The following AGAP3 variants were observed in gnomAD, a reference collection of about 807,000 sequenced individuals.
AGAP3 encodes ArfGAP with GTPase domain, ankyrin repeat and PH domain 3, also known as arf-GAP with GTPase, ANK repeat and PH domain-containing protein 3.
In AGAP3, 24 loss-of-function variants were observed where a neutral mutation model predicts 96.9. The ratio of observed to expected loss-of-function variants is 0.25; its 90% CI spans 0.18 to 0.35. The LOEUF is 0.35. AGAP3 is among the 10% of genes least tolerant of loss of function. The pLI is 1.00. For synonymous variants in AGAP3, 563 were observed against 536.1 expected (o/e 1.05, Z -0.69); for missense variants, 876 against 1,254.2 (o/e 0.70, Z 4.55).
chr7:151,132,711 C>T (rs1282111062), intron 10 of AGAP3, among the ~76,000 whole-genome samples: 1 of 152,250 alleles, frequency 6.6e-6, no homozygotes. Context: ...AGCCCAGCCA[C>T]AGAAGTGCAG....
At chr7:151,120,708 C>T (rs1249827828) in intron 8 of AGAP3, 1 of 1,229,534 alleles carries the variant, frequency 8.1e-7, no homozygotes, top group Non-Finnish European at 1.0e-6. Flanking sequence ...GCCATCTTTT[C>T]CTGGGCTTCA....
chr7:151,086,518 G>T lies in AGAP3; in HGVS notation c.-224G>T, dbSNP rs968010741. Among the ~76,000 whole-genome samples the T allele has an allele frequency of 2.6e-4, 39 of 147,786 alleles. No homozygotes were observed. The highest frequency in any genetic ancestry group is 5.0e-4 in the Non-Finnish European group (33 of 66,222). On this transcript the variant is annotated 5_prime_UTR_variant, in exon 1 of 18. Transcript: ENST00000397238. Reference sequence around the variant, plus strand: ...TGCTCCGAGGCAGCGGGATCACGGCGCTGGGAAGCGCTCGGCAGCGGCGGC... The same window carrying T: ...TGCTCCGAGGCAGCGGGATCACGGCTCTGGGAAGCGCTCGGCAGCGGCGGC...
intron 1 of AGAP3, among the ~76,000 whole-genome samples, chr7:151,092,287 G>T (rs1798428305): frequency 6.6e-6 from 1 of 152,200 alleles, no homozygotes; most frequent in Non-Finnish European, 1.5e-5. Flanking sequence ...GCCTGGGAGA[G>T]CCAAGGCTGG....
At chr7:151,089,298 G>T (rs546751297) in intron 1 of AGAP3, among the ~76,000 whole-genome samples, 127 of 152,298 alleles carry the variant, frequency 8.3e-4, no homozygotes, top group African/African-American at 2.9e-3. Context: ...GGAGGGAGAG[G>T]CGCAGACTCC....
intron 9 of AGAP3, among the ~76,000 whole-genome samples, chr7:151,127,791 T>G (rs1051939514): frequency 2.6e-5 from 4 of 152,214 alleles, no homozygotes; most frequent in African/African-American, 9.6e-5. Context: ...CATCGTCTCC[T>G]TCTATCTTCC....
At chr7:151,124,643 G>T (rs1480592120) in intron 9 of AGAP3, among the ~76,000 whole-genome samples, 1 of 152,220 alleles carries the variant, frequency 6.6e-6, no homozygotes, top group Admixed American at 6.5e-5. Context: ...CCACAGAGGA[G>T]GCTCACGTGG....
intron 3 of AGAP3, 24 bp downstream of exon 3, chr7:151,117,206 G>A (rs1799632175): frequency 6.2e-7 from 1 of 1,607,424 alleles, no homozygotes; most frequent in African/African-American, 1.3e-5. Context: ...GCCCAGCCTG[G>A]GCCCTGAGGC....
chr7:151,128,714 G>A (rs936283411), intron 10 of AGAP3, 30 bp downstream of exon 10: 1 of 1,558,572 alleles, frequency 6.4e-7, no homozygotes, highest in African/African-American at 1.4e-5. Context: ...CCTCCTGGGG[G>A]AGTATGGGGA....
intron 10 of AGAP3, among the ~76,000 whole-genome samples, 174 bp downstream of exon 10, chr7:151,128,858 AC>A (rs1800288549): frequency 6.6e-6 from 1 of 152,146 alleles, no homozygotes; most frequent in Admixed American, 6.5e-5. Flanking sequence ...CATGCACAAG[AC>A]CCGGCTGGCC....
intron 1 of AGAP3, among the ~76,000 whole-genome samples, chr7:151,095,391 C>T (rs1798561101): frequency 6.6e-6 from 1 of 152,208 alleles, no homozygotes; most frequent in Non-Finnish European, 1.5e-5. Context: ...TGTTCCTTTT[C>T]TGCCAGAACC....
In AGAP3 at chr7:151,100,899, C is replaced by T. The variant is rs116458139; in HGVS notation, c.331+13827C>T. Among the ~76,000 whole-genome samples the T allele has an allele frequency of 6.5e-3, 993 of 152,286 alleles. 7 individuals carry two copies. Among genetic ancestry groups the T allele is most frequent in the African/African-American group, 0.021 (893 of 41,552 alleles). On this transcript the variant is annotated intron_variant, in intron 1 of 17. Coordinates refer to ENST00000397238, the MANE Select transcript of AGAP3 (RefSeq NM_031946.7). The stretch of plus-strand genomic sequence containing the variant: ...GACCTGGCTCTGTCAGGACTCCTTG[C>T]CCCCATCACAGGACCCTGCCTGGCC...
intron 1 of AGAP3, among the ~76,000 whole-genome samples, chr7:151,097,603 G>T (rs1286546612): frequency 6.6e-6 from 1 of 151,974 alleles, no homozygotes; most frequent in Non-Finnish European, 1.5e-5. Flanking sequence ...GCTAGCATCT[G>T]CTGTGCTTCC....
chr7:151,087,844 C>T (rs1428687822), intron 1 of AGAP3, among the ~76,000 whole-genome samples: 1 of 152,252 alleles, frequency 6.6e-6, no homozygotes, highest in Non-Finnish European at 1.5e-5. Context: ...CCGCTGAGGG[C>T]ACAGGAAGTG....
intron 1 of AGAP3, among the ~76,000 whole-genome samples, chr7:151,105,710 T>G (rs900079441): frequency 1.4e-5 from 2 of 146,170 alleles, no homozygotes; most frequent in African/African-American, 5.1e-5. Context: ...GAGGCTCCAG[T>G]AAGCTCTAAT....
intron 1 of AGAP3, among the ~76,000 whole-genome samples, chr7:151,105,241 C>A (rs1170705471): frequency 2.0e-5 from 3 of 152,156 alleles, no homozygotes; most frequent in Non-Finnish European, 4.4e-5. Flanking sequence ...TCTTCTGTTT[C>A]TTTTTACAAA....
At chr7:151,130,826 G>A (rs572454090) in intron 10 of AGAP3, among the ~76,000 whole-genome samples, 11 of 151,956 alleles carry the variant, frequency 7.2e-5, no homozygotes, top group African/African-American at 2.4e-4. Context: ...CACCACCCCC[G>A]CCACACTTTC....
Position 151,140,028 on chromosome 7 carries a change from C to T in AGAP3, c.1716C>T (p.Pro572=), listed in dbSNP as rs1286663881. 6.2e-7 allele frequency: 1 copy of T among 1,603,132 alleles called. No homozygotes were observed. Among genetic ancestry groups the T allele is most frequent in the South Asian group, 1.1e-5 (1 of 88,876 alleles). The change falls in exon 13 of 18, where the codon CCC becomes CCT. Residue 572 remains proline (P), a synonymous_variant. Coordinates refer to ENST00000397238, the MANE Select transcript of AGAP3 (RefSeq NM_031946.7). The surrounding 1 kb of genome is among the most constrained non-coding windows in gnomAD (Gnocchi z 5.4). ...VLSSSPKLDP[P]PSPHSNRKKH... ...GTTCCAGCCCCAAGCTGGATCCTCC[C>T]CCATCTCCCCACTCCAACCGGAAGA...
At chr7:151,117,279 C>G (rs1490516106) in intron 3 of AGAP3, 92 bp from the exon 4 acceptor site, 1 of 1,592,470 alleles carries the variant, frequency 6.3e-7, no homozygotes, top group African/African-American at 1.3e-5. Flanking sequence ...CCCTTCCAGT[C>G]CTCTTCCCTC....
At chr7:151,134,323 C>A in intron 10 of AGAP3, 77 bp from the exon 11 acceptor site, 1 of 1,516,282 alleles carries the variant, frequency 6.6e-7, no homozygotes. Flanking sequence ...CAGGGAGAGA[C>A]CTAGGAGTTG....
Sources: gnomAD v4.1 joint callset for allele counts (sites outside exome capture counted in the v4.1 genomes callset) on GRCh38, gnomAD v4.1.1 for gene constraint, Gnocchi (gnomAD v3.1) non-coding constraint, MANE v1.5 for transcripts, NCBI Gene and HGNC (gene_info 2026-07-23, HGNC 2026-07-21) for gene names.